Variants in RGS12 observed in about 807,000 individuals in gnomAD.
The protein encoded by RGS12 is regulator of G protein signaling 12, also known as regulator of G-protein signaling 12.
In RGS12, 66 loss-of-function variants were observed where a neutral mutation model predicts 120.1. The observed-to-expected ratio is 0.55, with a 90% CI of 0.45 to 0.67. RGS12 has a LOEUF of 0.67. Ranked by LOEUF, RGS12 falls within the 30% of genes least tolerant of loss-of-function variation. The pLI is 0.00. For missense variants in RGS12, 1,859 were observed against 1,957.7 expected (o/e 0.95, Z 0.95); for synonymous variants, 827 against 804.7 (o/e 1.03, Z -0.47).
chr4:3,436,908 G>A (rs1316005574), intron 17 of RGS12, among the ~76,000 whole-genome samples: 2 of 152,216 alleles, frequency 1.3e-5, no homozygotes, highest in African/African-American at 4.8e-5. Flanking sequence ...CCGGGGAGAG[G>A]TTCACAGGTG....
Position 3,316,579 on chromosome 4 carries a change from G to A in RGS12, c.409G>A (p.Val137Ile), listed in dbSNP as rs1724771405. Residue 137 changes from valine (V) to isoleucine (I), a missense_variant, in exon 2 of 18, where the codon GTC becomes ATC. Coordinates refer to ENST00000336727, the MANE Select transcript of RGS12 (RefSeq NM_001394154.1). ...KALGINRAER[V>I]VEEMQSGGIF... is the part of the protein sequence containing the mutation. ...ACTAGGTATAAACAGAGCAGAGCGA[G>A]TCGTGGAGGAAATGCAGTCTGGTGG... 3 of 1,614,076 alleles carry A rather than the reference G, an allele frequency of 1.9e-6. No individual in the cohort carries two copies. The highest frequency in any genetic ancestry group is 1.7e-5 in the Admixed American group (1 of 60,012).
In RGS12 at chr4:3,342,934, T is replaced by C. The variant is rs775227659; in HGVS notation, c.1882-3T>C. Reference sequence around the variant, plus strand: ...ACCTGATGCCTTTTTTCTTCGTGTTTAGGGCTCAAAATTTGGGCGGGGAAC... The same window carrying C: ...ACCTGATGCCTTTTTTCTTCGTGTTCAGGGCTCAAAATTTGGGCGGGGAAC... On this transcript the variant is annotated splice_region_variant and splice_polypyrimidine_tract_variant and intron_variant, in intron 2 of 17. Transcript: ENST00000336727. 2 of 1,608,928 alleles carry C rather than the reference T, an allele frequency of 1.2e-6. No individual in the cohort carries two copies. The highest frequency in any genetic ancestry group is 4.5e-5 in the East Asian group (2 of 44,876).
chr4:3,372,908 A>C lies in RGS12; in HGVS notation c.1999-13508A>C, dbSNP rs772283184. Among the ~76,000 whole-genome samples the C allele has an allele frequency of 6.6e-5, 10 of 152,212 alleles. No homozygotes were observed. Among genetic ancestry groups the C allele is most frequent in the Non-Finnish European group, 2.9e-5 (2 of 68,030 alleles). On this transcript the variant is annotated intron_variant, in intron 3 of 17. Coordinates refer to ENST00000336727, the MANE Select transcript of RGS12 (RefSeq NM_001394154.1). This position sits in a 1 kb window ranked among gnomAD's most constrained non-coding sequence, Gnocchi z 4.3. ...TTTAAAAATCTTTAAAAAGGGTTGCACTGTTTAAAAACGTGGAATATTCTC... is the reference window on the plus strand; with the variant it reads ...TTTAAAAATCTTTAAAAAGGGTTGCCCTGTTTAAAAACGTGGAATATTCTC...
At chr4:3,292,195 G>A (rs1355563036), upstream of RGS12, among the ~76,000 whole-genome samples, 1 of 152,238 alleles carries the variant, frequency 6.6e-6, no homozygotes. Flanking sequence ...GCCGGGGAAG[G>A]AAGACACGAA....
chr4:3,423,102 GTC>G, intron 12 of RGS12, 124 bp downstream of exon 12: 1 of 682,432 alleles, frequency 1.5e-6, no homozygotes, highest in Non-Finnish European at 2.5e-6. Flanking sequence ...ACGATGGGGT[GTC>G]GGGGCGGGGG....
chr4:3,361,988 G>A (rs1037778270), intron 3 of RGS12, among the ~76,000 whole-genome samples: 6 of 152,208 alleles, frequency 3.9e-5, no homozygotes, highest in African/African-American at 1.4e-4. Context: ...AGTCAGTGTT[G>A]GGAGCCAGGA....
At chr4:3,289,072 A>G (rs1722959082), upstream of RGS12, among the ~76,000 whole-genome samples, 1 of 152,138 alleles carries the variant, frequency 6.6e-6, no homozygotes, top group Admixed American at 6.5e-5. Context: ...ACCTCCCCCT[A>G]TCAGCCTCCA....
intron 4 of RGS12, among the ~76,000 whole-genome samples, chr4:3,412,540 C>T (rs763530957): frequency 6.6e-6 from 1 of 152,274 alleles, no homozygotes; most frequent in Non-Finnish European, 1.5e-5. Flanking sequence ...GGGATCAGTC[C>T]TGTGGCCTTG....
chr4:3,401,976 C>T (rs1259435888), intron 4 of RGS12, among the ~76,000 whole-genome samples: 5 of 152,224 alleles, frequency 3.3e-5, no homozygotes, highest in Non-Finnish European at 7.3e-5. Flanking sequence ...CAGAGGTGGC[C>T]CCCTGAGCCC....
intron 1 of RGS12, among the ~76,000 whole-genome samples, chr4:3,310,039 G>A (rs1351185633): frequency 2.0e-5 from 3 of 147,594 alleles, no homozygotes; most frequent in African/African-American, 2.5e-5. Context: ...CCGGGAAATG[G>A]CAGGTGTCCT....
At chr4:3,296,906 T>G (rs1723412612) in intron 1 of RGS12, among the ~76,000 whole-genome samples, 1 of 151,896 alleles carries the variant, frequency 6.6e-6, no homozygotes, top group African/African-American at 2.4e-5. Context: ...GGAGGTGGGG[T>G]CGTTACCAGT....
At chr4:3,360,309 A>G (rs1715436395) in intron 3 of RGS12, among the ~76,000 whole-genome samples, 1 of 152,098 alleles carries the variant, frequency 6.6e-6, no homozygotes, top group Non-Finnish European at 1.5e-5. Context: ...CCTTTCAAAG[A>G]ACCAACTAGG....
At position 3,430,686 on chromosome 4, in the gene RGS12, C is replaced by G. The variant is rs543605107; in HGVS notation, c.3845C>G (p.Pro1282Arg). ...AGCCCGGGCTCAGCCTCCAGCCCCC[C>G]TGGACCTCCTGGGACGACCCCCCCC... ...STSPGSASSP[P>R]GPPGTTPPGQ... The change falls in exon 17 of 18, where the codon CCT (proline) becomes CGT (arginine). Residue 1282 changes from proline (P) to arginine (R), a missense_variant. Coordinates refer to ENST00000336727, the MANE Select transcript of RGS12 (RefSeq NM_001394154.1). 15 of 1,579,482 alleles carry G rather than the reference C, an allele frequency of 9.5e-6. No homozygotes were observed. Among genetic ancestry groups the G allele is most frequent in the South Asian group, 9.3e-5 (8 of 85,788 alleles).
At chr4:3,350,701 A>C (rs988222793) in intron 3 of RGS12, among the ~76,000 whole-genome samples, 7 of 152,178 alleles carry the variant, frequency 4.6e-5, no homozygotes, top group African/African-American at 1.4e-4. Flanking sequence ...AAAAACAAAA[A>C]AAACAAAAAA....
At chr4:3,379,326 G>A (rs1718031924) in intron 3 of RGS12, among the ~76,000 whole-genome samples, 1 of 152,128 alleles carries the variant, frequency 6.6e-6, no homozygotes, top group Admixed American at 6.5e-5. Context: ...TTTATTGTAT[G>A]CTTGAAATTT....
In RGS12 at chr4:3,317,844, A is replaced by G. The variant is rs1345284226; in HGVS notation, c.1674A>G (p.Thr558=). ...CGHTSDQDSY[T]DSTDGWSSIN... is the part of the protein sequence containing the mutation. ...ACACCAGCGACCAGGACTCTTACACAGATTCCACCGATGGCTGGTCCAGCA... is the reference window on the plus strand; with the variant it reads ...ACACCAGCGACCAGGACTCTTACACGGATTCCACCGATGGCTGGTCCAGCA... Residue 558 remains threonine, a synonymous_variant, in exon 2 of 18, where the codon ACA becomes ACG. Coordinates refer to ENST00000336727, the MANE Select transcript of RGS12 (RefSeq NM_001394154.1). The G allele has an allele frequency of 1.9e-6, 3 of 1,613,476 alleles. No individual in the cohort carries two copies. The highest frequency in any genetic ancestry group is 2.5e-6 in the Non-Finnish European group (3 of 1,179,840).
chr4:3,419,429 G>C (rs888895727), intron 9 of RGS12: 9 of 151,962 alleles, frequency 5.9e-5, no homozygotes, highest in African/African-American at 2.2e-4. Context: ...CCGGGAGGCA[G>C]AGGTTGCAGT....
At chr4:3,301,346 T>A (rs143859591) in intron 1 of RGS12, among the ~76,000 whole-genome samples, 1 of 152,194 alleles carries the variant, frequency 6.6e-6, no homozygotes, top group Non-Finnish European at 1.5e-5. Flanking sequence ...GATAAGATAC[T>A]AAAAGCAAAA....
At chr4:3,293,741 G>A (rs73077114) in intron 1 of RGS12, among the ~76,000 whole-genome samples, 1 of 115,184 alleles carries the variant, frequency 8.7e-6, no homozygotes, top group Non-Finnish European at 1.8e-5. Context: ...GAGCCATGGA[G>A]TATAAACAGT....
Sources: allele counts gnomAD v4.1 joint callset (sites outside exome capture counted in the v4.1 genomes callset), GRCh38; gene constraint gnomAD v4.1.1; non-coding constraint Gnocchi (gnomAD v3.1); transcripts MANE v1.5; gene names NCBI Gene and HGNC (gene_info 2026-07-23, HGNC 2026-07-21).